The following TNRC6B variants were observed in gnomAD, a reference collection of about 807,000 sequenced individuals.
TNRC6B encodes the protein trinucleotide repeat containing adaptor 6B.
TNRC6B carries 52 observed loss-of-function variants against 203.6 expected under a neutral mutation model. The observed-to-expected ratio is 0.26, with a 90% confidence interval of 0.20 to 0.32. TNRC6B has a LOEUF of 0.32. Ranked by LOEUF, TNRC6B falls within the 10% of genes least tolerant of loss-of-function variation. The pLI, the probability that TNRC6B is intolerant of heterozygous loss-of-function variation, is 1.00. For missense variants in TNRC6B, 1,923 were observed against 2,286.2 expected (o/e 0.84, Z 3.24); for synonymous variants, 838 against 845.7 (o/e 0.99, Z 0.16).
rs1050618636 is a variant in TNRC6B, at chr22:40,248,466, A to G, written c.93+2364A>G. On this transcript the variant is annotated intron_variant, in intron 2 of 22. Coordinates refer to ENST00000454349, the MANE Select transcript of TNRC6B (RefSeq NM_001162501.2). ...AAACAGAGTGATTTAGAGAGTATAT[A>G]TTCCTCTTCATTTTTAACATACATA... 2.6e-5 allele frequency among the ~76,000 whole-genome samples: 4 copies of G among 152,376 alleles called. No homozygotes were observed. In the East Asian group the frequency reaches 7.7e-4, roughly 29 times the overall value.
At chr22:40,245,302 G>A (rs954861723) in intron 1 of TNRC6B, among the ~76,000 whole-genome samples, 12 of 151,934 alleles carry the variant, frequency 7.9e-5, no homozygotes, top group African/African-American at 2.9e-4. Flanking sequence ...TGTTGACCAG[G>A]CTGGTCTCGA....
intron 12 of TNRC6B, among the ~76,000 whole-genome samples, chr22:40,290,230 T>C (rs1435682512): frequency 6.6e-6 from 1 of 152,220 alleles, no homozygotes; most frequent in African/African-American, 2.4e-5. Flanking sequence ...AATTTTAAAT[T>C]TTATTTTAAT....
chr22:40,116,187 G>C (rs1398422780), intron 1 of TNRC6B, among the ~76,000 whole-genome samples: 2 of 152,172 alleles, frequency 1.3e-5, no homozygotes, highest in African/African-American at 4.8e-5. Context: ...GTATTGGGTT[G>C]ACTGTGAAAC....
chr22:40,148,611 A>G (rs1762077569), intron 3 of TNRC6B, among the ~76,000 whole-genome samples: 1 of 125,132 alleles, frequency 8.0e-6, no homozygotes. Context: ...AAGTTAAAAC[A>G]TGTAACTACC....
chr22:40,164,717 G>A (rs1378208483), intron 4 of TNRC6B, among the ~76,000 whole-genome samples: 5 of 144,104 alleles, frequency 3.5e-5, no homozygotes, highest in East Asian at 2.1e-4. Context: ...AGCCGAGATC[G>A]CGCCATTACA....
At chr22:40,139,990 C>T (rs569126833) in intron 3 of TNRC6B, among the ~76,000 whole-genome samples, 4 of 152,130 alleles carry the variant, frequency 2.6e-5, no homozygotes, top group East Asian at 1.9e-4. Context: ...GTCTGTGATC[C>T]GCCTCAAATT....
chr22:40,148,759 C>T (rs1052520423), intron 3 of TNRC6B, among the ~76,000 whole-genome samples: 4 of 148,320 alleles, frequency 2.7e-5, no homozygotes, highest in Non-Finnish European at 6.0e-5. Context: ...TTAGGATAGG[C>T]CCTAATCCAG....
At chr22:40,056,131 AC>A (rs1459651945) in intron 1 of TNRC6B, among the ~76,000 whole-genome samples, 9 of 151,654 alleles carry the variant, frequency 5.9e-5, no homozygotes, top group Admixed American at 5.9e-4. Context: ...TTCCCCATCC[AC>A]CCCATCTCTA....
intron 12 of TNRC6B, among the ~76,000 whole-genome samples, chr22:40,286,399 CAAG>C (rs2070782243): frequency 6.6e-6 from 1 of 152,046 alleles, no homozygotes; most frequent in Admixed American, 6.6e-5. Context: ...CCTAGCTACT[CAAG>C]AGGCTGAGAC....
rs764036673 is a variant in TNRC6B, at chr22:40,265,400, G to T, written c.1170G>T (p.Glu390Asp). ...ACTTAAGTTCACCAAACCCCATGGA[G>T]AATAAGGGAATGCCCTTTGGAATGG... ...SLNLSSPNPMENKGMPFGMGL... is the reference protein window; with the variant it reads ...SLNLSSPNPMDNKGMPFGMGL... The change falls in exon 5 of 23, where the codon GAG (glutamate) becomes GAT (aspartate). Residue 390 changes from glutamate to aspartate, a missense_variant. Coordinates refer to ENST00000454349, the MANE Select transcript of TNRC6B (RefSeq NM_001162501.2). The T allele has an allele frequency of 1.9e-6, 3 of 1,613,892 alleles. No homozygotes were observed. The highest frequency in any genetic ancestry group is 2.5e-6 in the Non-Finnish European group (3 of 1,179,896).
chr22:40,303,133 G>A (rs910139628), intron 15 of TNRC6B, among the ~76,000 whole-genome samples: 4 of 142,768 alleles, frequency 2.8e-5, no homozygotes, highest in Admixed American at 1.4e-4. Flanking sequence ...AGGTTCAAGC[G>A]ATTCTCCTGC....
Position 40,315,930 on chromosome 22 carries a change from G to T in TNRC6B, c.4904-12G>T. On this transcript the variant is annotated splice_polypyrimidine_tract_variant and intron_variant, in intron 20 of 22. Transcript: ENST00000454349. ...TATTTCTCTTCCTAACCATTTTTCT[G>T]GTTGCTCATAGCCTCTACCTGGAGT... The T allele has an allele frequency of 6.2e-7, 1 of 1,608,280 alleles. No individual in the cohort carries two copies. Among genetic ancestry groups the T allele is most frequent in the Non-Finnish European group, 8.5e-7 (1 of 1,177,144 alleles).
intron 1 of TNRC6B, among the ~76,000 whole-genome samples, chr22:40,091,637 T>A (rs1218880529): frequency 6.6e-6 from 1 of 152,180 alleles, no homozygotes; most frequent in Non-Finnish European, 1.5e-5. Context: ...TAGAGATAGG[T>A]ATTTACCAGT....
intron 1 of TNRC6B, among the ~76,000 whole-genome samples, chr22:40,239,208 GAA>G (rs2146461066): frequency 6.6e-6 from 1 of 151,444 alleles, no homozygotes; most frequent in South Asian, 2.1e-4. Flanking sequence ...ATCTCAAAAA[GAA>G]AAGAAAAGTG....
At chr22:40,167,481 ATGAAAAAGT>A (rs2068929942) in intron 4 of TNRC6B, among the ~76,000 whole-genome samples, 1 of 152,198 alleles carries the variant, frequency 6.6e-6, no homozygotes, top group Non-Finnish European at 1.5e-5. Flanking sequence ...GATGTGCAAG[ATGAAAAAGT>A]TCTGGAGATC....
At chr22:40,216,960 C>T (rs1032800719) in intron 1 of TNRC6B, among the ~76,000 whole-genome samples, 1 of 152,172 alleles carries the variant, frequency 6.6e-6, no homozygotes, top group African/African-American at 2.4e-5. Flanking sequence ...TTTGATACCA[C>T]GAACCCACAG....
At chr22:40,317,438 C>T (rs1334386978) in intron 21 of TNRC6B, among the ~76,000 whole-genome samples, 2 of 152,246 alleles carry the variant, frequency 1.3e-5, no homozygotes, top group South Asian at 2.1e-4. Flanking sequence ...ATTAGCTGGG[C>T]GTAGTGGCAC....
At chr22:40,054,172 C>T (rs984930887) in intron 1 of TNRC6B, among the ~76,000 whole-genome samples, 3 of 152,172 alleles carry the variant, frequency 2.0e-5, no homozygotes, top group Admixed American at 2.0e-4. Context: ...GCCGAGATTG[C>T]GCCACCACAC....
intron 1 of TNRC6B, among the ~76,000 whole-genome samples, chr22:40,233,460 A>C (rs910530250): frequency 1.3e-5 from 2 of 151,874 alleles, no homozygotes; most frequent in Non-Finnish European, 2.9e-5. Context: ...CGTCTCTACT[A>C]AAAATACAAA....
Sources: gnomAD v4.1 joint callset for allele counts (sites outside exome capture counted in the v4.1 genomes callset) on GRCh38, gnomAD v4.1.1 for gene constraint, MANE v1.5 for transcripts, NCBI Gene and HGNC (gene_info 2026-07-23, HGNC 2026-07-21) for gene names.